PTPRK: variants seen among roughly 807,000 people sequenced by gnomAD.
PTPRK encodes protein tyrosine phosphatase receptor type K.
PTPRK carries 75 observed loss-of-function variants against 178.0 expected under a neutral mutation model. The observed-to-expected ratio is 0.42, with a 90% CI of 0.35 to 0.51. PTPRK has a LOEUF of 0.51. Among genes scored for constraint, PTPRK ranks in the 20% least tolerant of loss-of-function variants. The probability of loss-of-function intolerance (pLI) is 0.02; values close to 1 mark genes in which losing one functional copy is unlikely to be tolerated. For missense variants in PTPRK, 1,441 were observed against 1,797.8 expected, an observed-to-expected ratio of 0.80 and a Z score of 3.59; for synonymous variants, 637 against 620.6, an observed-to-expected ratio of 1.03 and a Z score of -0.39.
chr6:128,000,263 T>C, intron 15 of PTPRK: 1 of 1,254,856 alleles, frequency 8.0e-7, no homozygotes, highest in Non-Finnish European at 1.0e-6. Context: ...GCCTGTTCTA[T>C]CACCAACTCT....
chr6:128,080,934 G>T (rs929474485), intron 10 of PTPRK, among the ~76,000 whole-genome samples: 2 of 151,836 alleles, frequency 1.3e-5, no homozygotes, highest in Admixed American at 1.3e-4. Flanking sequence ...ATAATTAAAA[G>T]AAAAAATCAG....
intron 3 of PTPRK, among the ~76,000 whole-genome samples, chr6:128,247,038 G>A (rs952037575): frequency 3.9e-5 from 6 of 152,150 alleles, no homozygotes; most frequent in Admixed American, 6.5e-5. Flanking sequence ...CTGGGTGTTT[G>A]GAAGCCTGGG....
chr6:128,481,266 G>A (rs1379767941), intron 1 of PTPRK, among the ~76,000 whole-genome samples: 1 of 151,986 alleles, frequency 6.6e-6, no homozygotes, highest in Non-Finnish European at 1.5e-5. Flanking sequence ...AATTATTTAG[G>A]TTCAACTGTT....
chr6:128,513,610 T>G (rs937784035), intron 1 of PTPRK, among the ~76,000 whole-genome samples: 1 of 152,236 alleles, frequency 6.6e-6, no homozygotes. Flanking sequence ...CTTGAAATTC[T>G]ATGGTAAAGT....
chr6:128,206,696 G>A (rs1807037268), intron 6 of PTPRK, among the ~76,000 whole-genome samples: 1 of 152,046 alleles, frequency 6.6e-6, no homozygotes, highest in South Asian at 2.1e-4. Flanking sequence ...AATGATGAAA[G>A]GTCACTGATG....
intron 2 of PTPRK, among the ~76,000 whole-genome samples, chr6:128,366,816 G>A (rs1470501986): frequency 1.3e-5 from 2 of 152,126 alleles, no homozygotes; most frequent in Non-Finnish European, 2.9e-5. Flanking sequence ...CATGGTGACA[G>A]TTTGCCTGCT....
intron 22 of PTPRK, among the ~76,000 whole-genome samples, chr6:127,985,194 G>GT (rs1202619531): frequency 2.0e-5 from 3 of 152,074 alleles, no homozygotes; most frequent in African/African-American, 7.2e-5. Flanking sequence ...TAATGCTCGT[G>GT]TTTTTTGGCA....
intron 3 of PTPRK, among the ~76,000 whole-genome samples, chr6:128,272,349 C>T (rs1282233964): frequency 5.3e-5 from 8 of 152,122 alleles, no homozygotes; most frequent in Admixed American, 3.9e-4. Context: ...AAAGCCAAAA[C>T]TGACAAATGG....
intron 7 of PTPRK, among the ~76,000 whole-genome samples, chr6:128,101,461 C>G (rs977568018): frequency 4.6e-5 from 7 of 152,092 alleles, no homozygotes; most frequent in Non-Finnish European, 8.8e-5. Context: ...GTTACCACAT[C>G]TACTTAATAC....
At chr6:128,507,064 G>A (rs1258004163) in intron 1 of PTPRK, among the ~76,000 whole-genome samples, 6 of 152,006 alleles carry the variant, frequency 3.9e-5, no homozygotes. Flanking sequence ...GAAACTGAAG[G>A]AAAGTGGTCA....
intron 7 of PTPRK, among the ~76,000 whole-genome samples, chr6:128,174,524 T>C (rs777680261): frequency 1.3e-5 from 2 of 151,904 alleles, no homozygotes; most frequent in Non-Finnish European, 2.9e-5. Flanking sequence ...CATGTTCCTT[T>C]GTTTAAAATA....
intron 5 of PTPRK, among the ~76,000 whole-genome samples, chr6:128,236,622 C>T (rs952941468): frequency 1.2e-4 from 19 of 152,122 alleles, no homozygotes; most frequent in Admixed American, 1.0e-3. Context: ...GCTGGGATTA[C>T]AGGCGTGAGC....
chr6:128,471,034 T>C (rs1156975158), intron 1 of PTPRK, among the ~76,000 whole-genome samples: 1 of 151,870 alleles, frequency 6.6e-6, no homozygotes, highest in Non-Finnish European at 1.5e-5. Flanking sequence ...ATCAAAATAT[T>C]CTTAGAATAT....
At chr6:128,276,523 AACATGTTT>A (rs1228490761) in intron 3 of PTPRK, among the ~76,000 whole-genome samples, 1 of 152,168 alleles carries the variant, frequency 6.6e-6, no homozygotes, top group South Asian at 2.1e-4. Context: ...ATAAAGCTCA[AACATGTTT>A]ACCATAAACA....
chr6:128,508,919 C>G (rs542289760), intron 1 of PTPRK, among the ~76,000 whole-genome samples: 2 of 150,884 alleles, frequency 1.3e-5, no homozygotes, highest in Non-Finnish European at 1.5e-5. Flanking sequence ...TGCACTCCAG[C>G]CTGAGCAATA....
At position 128,069,015 on chromosome 6, in the gene PTPRK, T is replaced by C. The variant is rs191382864; in HGVS notation, c.1884-1223A>G. ...GAGAGATACACTGAACATGCATCTA[T>C]GAAAATTAAAACAGTTTAGACTCTG... On this transcript the variant is annotated intron_variant, in intron 11 of 29. Coordinates refer to ENST00000368226, the MANE Select transcript of PTPRK (RefSeq NM_002844.4). 2.8e-3 allele frequency among the ~76,000 whole-genome samples: 420 copies of C among 151,996 alleles called. 5 individuals carry two copies. Among genetic ancestry groups the C allele is most frequent in the African/African-American group, 9.7e-3 (401 of 41,494 alleles).
chr6:128,172,071 G>T (rs964820164), intron 7 of PTPRK, among the ~76,000 whole-genome samples: 17 of 151,824 alleles, frequency 1.1e-4, no homozygotes, highest in African/African-American at 4.1e-4. Context: ...GGGCTTACTG[G>T]TTATTTACAA....
At chr6:128,079,350 A>C (rs1326076322) in intron 10 of PTPRK, among the ~76,000 whole-genome samples, 2 of 151,942 alleles carry the variant, frequency 1.3e-5, no homozygotes, top group African/African-American at 4.8e-5. Flanking sequence ...AGTGTCGTTT[A>C]TGATCTTATA....
In PTPRK at chr6:128,184,581, G is replaced by A; in HGVS notation, c.1013C>T (p.Thr338Ile). The A allele has an allele frequency of 1.2e-6, 2 of 1,613,968 alleles. No homozygotes were observed. The highest frequency in any genetic ancestry group is 1.1e-5 in the South Asian group (1 of 91,078). ...VEYRMTSGSW[T>I]ETHAVNAPTY... ...TGGAGCATTGACTGCATGGGTTTCT[G>A]TCCAGGATCCTGATGTCATTCGGTA... The change falls in exon 7 of 30, where the codon ACA becomes ATA. Residue 338 changes from threonine to isoleucine, a missense_variant. Around this residue, in one of 4 missense-constraint regions of PTPRK, gnomAD observed 945 missense variants for 1,080.6 expected, o/e 0.87. Coordinates refer to ENST00000368226, the MANE Select transcript of PTPRK (RefSeq NM_002844.4).
Sources: allele counts gnomAD v4.1 joint callset (sites outside exome capture counted in the v4.1 genomes callset), GRCh38; gene constraint gnomAD v4.1.1; regional missense constraint gnomAD v4.1.1; transcripts MANE v1.5; gene names NCBI Gene and HGNC (gene_info 2026-07-23, HGNC 2026-07-21).